The following KNTC1 variants were observed in gnomAD, a reference collection of about 807,000 sequenced individuals.
KNTC1 encodes kinetochore associated 1.
Under a neutral mutation model 314.4 loss-of-function variants are expected in KNTC1, and 253 were observed. That is an observed-to-expected ratio of 0.80 (90% CI 0.73 to 0.89). KNTC1 has a LOEUF of 0.89. Among genes scored for constraint, KNTC1 ranks in the 40% least tolerant of loss-of-function variants. KNTC1 has a pLI of 0.00. For synonymous variants in KNTC1, 901 were observed against 901.4 expected (o/e 1.00, Z 0.01); for missense variants, 2,475 against 2,572.9 (o/e 0.96, Z 0.82).
chr12:122,603,320 A>G (rs1392784733), intron 48 of KNTC1, 77 bp downstream of exon 48: 1 of 1,018,490 alleles, frequency 9.8e-7, no homozygotes, highest in African/African-American at 1.6e-5. Flanking sequence ...GAGAAGCAGG[A>G]TGGTAGTTTT....
intron 30 of KNTC1, among the ~76,000 whole-genome samples, 182 bp downstream of exon 30, chr12:122,577,211 A>G (rs542786397): frequency 4.6e-5 from 7 of 152,050 alleles, no homozygotes; most frequent in African/African-American, 1.7e-4. Flanking sequence ...TAGCCTCCCA[A>G]AGTGCTGAGA....
chr12:122,552,080 G>T (rs756596713), intron 16 of KNTC1, among the ~76,000 whole-genome samples: 5 of 151,996 alleles, frequency 3.3e-5, no homozygotes, highest in Non-Finnish European at 5.9e-5. Context: ...GTTAATTTTT[G>T]TATTTTTAGT....
intron 21 of KNTC1, among the ~76,000 whole-genome samples, chr12:122,568,719 C>G (rs1488896781): frequency 6.6e-6 from 1 of 151,944 alleles, no homozygotes; most frequent in Non-Finnish European, 1.5e-5. Context: ...TCCTGTAGAC[C>G]CAGCTACTCA....
intron 45 of KNTC1, 70 bp from the exon 46 acceptor site, chr12:122,602,499 A>G (rs1036503193): frequency 8.6e-6 from 8 of 932,070 alleles, no homozygotes; most frequent in Admixed American, 5.4e-5. Context: ...ATGGTATACT[A>G]TTAGATGATT....
At chr12:122,570,637 T>G (rs1217426893) in intron 22 of KNTC1, among the ~76,000 whole-genome samples, 1 of 152,100 alleles carries the variant, frequency 6.6e-6, no homozygotes, top group Non-Finnish European at 1.5e-5. Context: ...ACAAAGGGGA[T>G]GGATACCCCA....
At chr12:122,553,285 G>A (rs114315211) in intron 16 of KNTC1, among the ~76,000 whole-genome samples, 2,005 of 152,252 alleles carry the variant, frequency 0.013, 54 homozygotes, top group African/African-American at 0.046. Context: ...ATTGGGTGAC[G>A]ATGGCATGAC....
intron 21 of KNTC1, among the ~76,000 whole-genome samples, chr12:122,569,276 T>A (rs934909587): frequency 6.6e-6 from 1 of 152,202 alleles, no homozygotes; most frequent in Non-Finnish European, 1.5e-5. Context: ...GCTCAAATTG[T>A]GGTAAAAGAT....
chr12:122,568,402 G>T, intron 21 of KNTC1, 30 bp downstream of exon 21: 1 of 1,182,128 alleles, frequency 8.5e-7, no homozygotes, highest in South Asian at 1.2e-5. Context: ...TTCCTTAACA[G>T]CTTTATAGCT....
rs1356725949 is a variant in KNTC1 at position 122,530,079 on chromosome 12, G to C, written c.16G>C (p.Glu6Gln). 6.2e-7 allele frequency: 1 copy of C among 1,613,736 alleles called. No individual in the cohort carries two copies. The highest frequency in any genetic ancestry group is 8.5e-7 in the Non-Finnish European group (1 of 1,179,770). The change falls in exon 2 of 64, where the codon GAG (glutamate) becomes CAG (glutamine). Residue 6 changes from glutamate to glutamine, a missense_variant. Physicochemically the swap from Glu to Gln is conservative, Grantham distance 29. Transcript: ENST00000333479. MWNDI[E>Q]LLTNDDTGSG... ...TCTCAGAAACATGTGGAATGATATT[G>C]AGCTGCTAACAAATGATGATACCGG...
In KNTC1 at chr12:122,572,398, C is replaced by CA. The variant is rs1210847200; in HGVS notation, c.2020-530dup. Among the ~76,000 whole-genome samples the CA allele has an allele frequency of 1.3e-4, 19 of 144,484 alleles. No homozygotes were observed. The South Asian group carries it at 2.4e-3, about 19-fold the overall frequency. The allele number at this position is 144,484 out of a possible 152,430, so 94.8% of individuals were successfully genotyped here. ...TGACAGAGCATGACTCTGTCCCCCC[C>CA]AAAAAAAAAGAAAAAAGGAAAAATT... On this transcript the variant is annotated intron_variant, in intron 24 of 63. Coordinates refer to ENST00000333479, the MANE Select transcript of KNTC1 (RefSeq NM_014708.6).
intron 12 of KNTC1, among the ~76,000 whole-genome samples, chr12:122,548,271 C>T (rs78461732): frequency 0.036 from 5,411 of 152,112 alleles, 352 homozygotes; most frequent in African/African-American, 0.12. Context: ...TGCTATGGCA[C>T]AATCTCGGCT....
intron 20 of KNTC1, among the ~76,000 whole-genome samples, chr12:122,566,260 T>G (rs78426005): frequency 6.6e-6 from 1 of 151,414 alleles, no homozygotes; most frequent in Non-Finnish European, 1.5e-5. Flanking sequence ...TTTTTTTTTT[T>G]CAATGAGACA....
intron 20 of KNTC1, among the ~76,000 whole-genome samples, chr12:122,565,818 G>A (rs1452182552): frequency 6.6e-6 from 1 of 152,092 alleles, no homozygotes; most frequent in Non-Finnish European, 1.5e-5. Flanking sequence ...CTGGGAGGTC[G>A]AGGCTGCAGT....
At position 122,588,748 on chromosome 12, in the gene KNTC1, G is replaced by A. The variant is rs1298878536; in HGVS notation, c.3931G>A (p.Val1311Ile). ...GETTLVKSRHVVMELKEKAVI... is the reference protein window; with the variant it reads ...GETTLVKSRHIVMELKEKAVI... ...GACTACATTAGTTAAATCAAGGCAT[G>A]TTGTTATGGAATTGAAAGAAAAAGC... Residue 1311 changes from valine (V) to isoleucine (I), a missense_variant, in exon 40 of 64, where the codon GTT becomes ATT. Physicochemically the swap from Val to Ile is conservative, Grantham distance 29 (BLOSUM62 3). Coordinates refer to ENST00000333479, the MANE Select transcript of KNTC1 (RefSeq NM_014708.6). 4 of 1,559,614 alleles carry A rather than the reference G, an allele frequency of 2.6e-6. No individual in the cohort carries two copies. The highest frequency in any genetic ancestry group is 3.5e-6 in the Non-Finnish European group (4 of 1,151,836).
Position 122,530,193 on chromosome 12 carries a change from G to T in KNTC1, c.129+1G>T. ...GCTAGTGAAGATCTCTTCTGAAAAGGTAGTGATTATTACACTGACTGTTTC... is the reference window on the plus strand; with the variant it reads ...GCTAGTGAAGATCTCTTCTGAAAAGTTAGTGATTATTACACTGACTGTTTC... On this transcript the variant is annotated splice_donor_variant, in intron 2 of 63. Coordinates refer to ENST00000333479, the MANE Select transcript of KNTC1 (RefSeq NM_014708.6). LOFTEE classifies it high-confidence loss of function. 6.2e-7 allele frequency: 1 copy of T among 1,612,596 alleles called. No homozygotes were observed. The highest frequency in any genetic ancestry group is 8.5e-7 in the Non-Finnish European group (1 of 1,179,184).
intron 40 of KNTC1, among the ~76,000 whole-genome samples, chr12:122,589,647 AT>A (rs1310022634): frequency 3.3e-5 from 5 of 150,562 alleles, no homozygotes; most frequent in African/African-American, 1.2e-4. Flanking sequence ...ATTTGTAAAA[AT>A]TTTTTGTAGA....
Position 122,602,875 on chromosome 12 carries a change from G to T in KNTC1, c.4872G>T (p.Ser1624=), listed in dbSNP as rs1223166842. The change falls in exon 47 of 64, where the codon TCG becomes TCT. Residue 1624 remains serine, a synonymous_variant. Coordinates refer to ENST00000333479, the MANE Select transcript of KNTC1 (RefSeq NM_014708.6). The part of the protein sequence containing the change: ...EESFPTLLLI[S]KLMKFSLDTL... ...CTTTCCCAACATTGCTCTTAATTTC[G>T]AAATTAATGAAGGTAATGGATTAAA... The T allele has an allele frequency of 2.5e-6, 4 of 1,606,358 alleles. No individual in the cohort carries two copies. The highest frequency in any genetic ancestry group is 3.4e-6 in the Non-Finnish European group (4 of 1,173,448).
At chr12:122,551,576 C>T (rs1963202499) in intron 15 of KNTC1, 45 bp from the exon 16 acceptor site, 2 of 1,599,524 alleles carry the variant, frequency 1.3e-6, no homozygotes, top group Admixed American at 1.7e-5. Context: ...ACTTAAATTC[C>T]CTGAATAATA....
At chr12:122,560,268 T>C (rs1050663974) in intron 18 of KNTC1, among the ~76,000 whole-genome samples, 5 of 152,218 alleles carry the variant, frequency 3.3e-5, no homozygotes, top group Non-Finnish European at 7.3e-5. Context: ...TTTTTGCTGC[T>C]GTGAATAATT....
Sources: allele counts gnomAD v4.1 joint callset (sites outside exome capture counted in the v4.1 genomes callset), GRCh38; gene constraint gnomAD v4.1.1; transcripts MANE v1.5; gene names NCBI Gene and HGNC (gene_info 2026-07-23, HGNC 2026-07-21).